Variants in STK24 observed in about 807,000 individuals in gnomAD.
The protein encoded by STK24 is serine/threonine-protein kinase 24.
STK24 carries 21 observed loss-of-function variants against 55.6 expected under a neutral mutation model. The observed-to-expected ratio is 0.38, with a 90% CI of 0.27 to 0.54. The LOEUF is 0.54. Among genes scored for constraint, STK24 ranks in the 20% least tolerant of loss-of-function variants. The probability of loss-of-function intolerance (pLI) is 0.79; values close to 1 mark genes in which losing one functional copy is unlikely to be tolerated. For synonymous variants in STK24, 200 were observed against 215.2 expected, an observed-to-expected ratio of 0.93 and a Z score of 0.62; for missense variants, 383 against 538.4, an observed-to-expected ratio of 0.71 and a Z score of 2.86.
Position 98,447,210 on chromosome 13 carries a change from G to T in STK24, c.*5963C>A. The T allele has an allele frequency of 6.2e-6, 1 of 162,324 alleles. No homozygotes were observed. Among genetic ancestry groups the T allele is most frequent in the Admixed American group, 6.3e-5 (1 of 15,854 alleles). The allele number at this position is 162,324 out of a possible 1,614,324, so 10.1% of individuals were successfully genotyped here. A position where few individuals can be genotyped will look rare whatever the true frequency, so the allele number is the denominator to read the frequency against. On this transcript the variant is annotated 3_prime_UTR_variant, in exon 11 of 11. Transcript: ENST00000539966. The stretch of plus-strand genomic sequence containing the variant: ...AGACTGTTCCTGCAATTCATATTTT[G>T]AATAGAGATCCTGGGCCTCTGCAAA...
At chr13:98,575,836 G>C (rs942922153) in intron 1 of STK24, among the ~76,000 whole-genome samples, 2 of 152,102 alleles carry the variant, frequency 1.3e-5, no homozygotes, top group African/African-American at 4.8e-5. Context: ...GTTTACAAGA[G>C]TTAGCCAAGG....
At chr13:98,477,425 A>G (rs1161270705) in intron 3 of STK24, among the ~76,000 whole-genome samples, 3 of 152,244 alleles carry the variant, frequency 2.0e-5, no homozygotes, top group South Asian at 4.1e-4. Flanking sequence ...TAATCCCAGC[A>G]CTTTGGGAGG....
intron 1 of STK24, among the ~76,000 whole-genome samples, chr13:98,564,681 T>C (rs1274582880): frequency 1.3e-5 from 2 of 152,112 alleles, no homozygotes; most frequent in African/African-American, 4.8e-5. Context: ...AGAGCATTTG[T>C]TCTAGTTCGG....
chr13:98,478,757 T>A (rs59743524), intron 3 of STK24, among the ~76,000 whole-genome samples: 1,707 of 152,324 alleles, frequency 0.011, 32 homozygotes, highest in African/African-American at 0.037. Flanking sequence ...TATGTAGCAT[T>A]GTCCCTTTGT....
chr13:98,457,595 G>C (rs749284972), intron 9 of STK24, among the ~76,000 whole-genome samples: 4 of 151,076 alleles, frequency 2.6e-5, no homozygotes, highest in African/African-American at 4.9e-5. Flanking sequence ...TCAGCCTCCC[G>C]AGTAGCTGGG....
At chr13:98,484,728 C>A (rs1410323160) in intron 2 of STK24, among the ~76,000 whole-genome samples, 1 of 152,192 alleles carries the variant, frequency 6.6e-6, no homozygotes, top group Admixed American at 6.5e-5. Flanking sequence ...GACACCTCAA[C>A]CAAGTTTTCT....
intron 2 of STK24, among the ~76,000 whole-genome samples, chr13:98,493,117 G>A (rs1158090798): frequency 6.6e-6 from 1 of 152,194 alleles, no homozygotes; most frequent in Non-Finnish European, 1.5e-5. Flanking sequence ...ATCATGCAAG[G>A]TTTAAGAACT....
intron 3 of STK24, among the ~76,000 whole-genome samples, chr13:98,480,540 C>T (rs1380693419): frequency 6.6e-6 from 1 of 152,076 alleles, no homozygotes; most frequent in Non-Finnish European, 1.5e-5. Context: ...CTGTTTTTCC[C>T]TTTTTAATAT....
intron 1 of STK24, among the ~76,000 whole-genome samples, chr13:98,535,911 C>A (rs1896718835): frequency 6.6e-6 from 1 of 152,208 alleles, no homozygotes; most frequent in South Asian, 2.1e-4. Context: ...GTGAACTCAC[C>A]TTCCTGTATT....
Position 98,465,482 on chromosome 13 carries a change from A to G in STK24, c.783+894T>C, listed in dbSNP as rs764749162. 5.4e-4 allele frequency among the ~76,000 whole-genome samples: 83 copies of G among 152,368 alleles called. 1 individual carries two copies. The highest frequency in any genetic ancestry group is 3.4e-4 in the Non-Finnish European group (23 of 68,028). ...TGGCTGCAAGAAACATCATCGTGTA[A>G]TAAAATGCAGAGCATCGTGGCATGC... is the stretch of plus-strand genomic sequence containing the variant. On this transcript the variant is annotated intron_variant, in intron 6 of 10. Transcript: ENST00000539966.
intron 3 of STK24, among the ~76,000 whole-genome samples, chr13:98,477,487 A>T (rs143064345): frequency 1.2e-3 from 185 of 152,244 alleles, no homozygotes; most frequent in African/African-American, 4.2e-3. Context: ...AGCCTGGCCA[A>T]CATGGTGAAA....
At chr13:98,495,302 A>T (rs1895208500) in intron 2 of STK24, among the ~76,000 whole-genome samples, 1 of 152,202 alleles carries the variant, frequency 6.6e-6, no homozygotes, top group South Asian at 2.1e-4. Flanking sequence ...AACATTTGTG[A>T]TCTCTTGTAT....
chr13:98,470,316 AG>A (rs11311176), intron 5 of STK24, among the ~76,000 whole-genome samples: 82,431 of 150,862 alleles, frequency 0.55, 22,658 homozygotes, highest in African/African-American at 0.56. Context: ...CGGGGGGGCA[AG>A]GGGGGGTCTT....
chr13:98,566,987 C>T (rs1266012513), intron 1 of STK24, among the ~76,000 whole-genome samples: 4 of 152,166 alleles, frequency 2.6e-5, no homozygotes, highest in Admixed American at 6.5e-5. Context: ...AAAATAACTG[C>T]GGGCTAAGGC....
At chr13:98,478,689 T>G (rs943014443) in intron 3 of STK24, among the ~76,000 whole-genome samples, 1 of 152,252 alleles carries the variant, frequency 6.6e-6, no homozygotes, top group African/African-American at 2.4e-5. Context: ...TTAAAACCCA[T>G]GTCGTGTACT....
intron 1 of STK24, among the ~76,000 whole-genome samples, chr13:98,539,768 T>C (rs990707086): frequency 6.6e-6 from 1 of 152,166 alleles, no homozygotes; most frequent in African/African-American, 2.4e-5. Context: ...AGAAAGCCAT[T>C]TGGCAATTTC....
chr13:98,467,968 T>C (rs903666447), intron 5 of STK24, among the ~76,000 whole-genome samples: 8 of 152,246 alleles, frequency 5.3e-5, no homozygotes, highest in Admixed American at 4.6e-4. Context: ...TTCCTGCTGT[T>C]CTCACTGTGC....
At chr13:98,488,189 A>G (rs1351701362) in intron 2 of STK24, among the ~76,000 whole-genome samples, 2 of 151,192 alleles carry the variant, frequency 1.3e-5, no homozygotes, top group African/African-American at 4.9e-5. Flanking sequence ...ACACACACAC[A>G]CACACACACA....
At chr13:98,528,596 AAT>A (rs1258340991) in intron 1 of STK24, among the ~76,000 whole-genome samples, 1 of 152,196 alleles carries the variant, frequency 6.6e-6, no homozygotes, top group Admixed American at 6.5e-5. Context: ...CCCTTGAAAG[AAT>A]TCTTTAAAAT....
Sources: gnomAD v4.1 joint callset for allele counts (sites outside exome capture counted in the v4.1 genomes callset) on GRCh38, gnomAD v4.1.1 for gene constraint, MANE v1.5 for transcripts, NCBI Gene and HGNC (gene_info 2026-07-23, HGNC 2026-07-21) for gene names.